The following CAPRIN1 variants were observed in gnomAD, a reference collection of about 807,000 sequenced individuals.
The protein encoded by CAPRIN1 is cell cycle associated protein 1.
A neutral mutation model predicts 100.9 loss-of-function variants in CAPRIN1; 29 were observed. That is an observed-to-expected ratio of 0.29 (90% CI 0.21 to 0.39). CAPRIN1 has a LOEUF of 0.39. Ranked by LOEUF, CAPRIN1 falls within the 10% of genes least tolerant of loss-of-function variation. CAPRIN1 has a pLI of 1.00. For synonymous variants in CAPRIN1, 338 were observed against 307.5 expected, an observed-to-expected ratio of 1.10 and a Z score of -1.04; for missense variants, 795 against 876.7, an observed-to-expected ratio of 0.91 and a Z score of 1.18.
rs370335951 is a variant in CAPRIN1, at chr11:34,052,525, C to T, written c.105C>T (p.Ala35=). ...GSEAAAGAGA[A]APASQHPATG... is the part of the protein sequence containing the mutation. ...AGGCGGCCGCGGGAGCCGGGGCCGC[C>T]GCGCCGGCTTCTCAGCACCCCGCAA... Residue 35 remains alanine (A), a synonymous_variant, in exon 2 of 19, where the codon GCC becomes GCT. Transcript: ENST00000341394. 1 of 1,604,932 alleles carries T rather than the reference C, an allele frequency of 6.2e-7. No individual in the cohort carries two copies. The highest frequency in any genetic ancestry group is 1.7e-5 in the Admixed American group (1 of 59,020).
rs374817882 is a variant in CAPRIN1, at chr11:34,097,347, A to G, written c.2001+51A>G. On this transcript the variant is annotated intron_variant, in intron 17 of 18. Coordinates refer to ENST00000341394, the MANE Select transcript of CAPRIN1 (RefSeq NM_005898.5). ...AACCTGAACTAAATATACCAATGAA[A>G]GTGACTTAGTGTTGTTGCTTAATGA... 9.2e-4 allele frequency: 1,256 copies of G among 1,358,196 alleles called. 17 individuals are homozygous for G. The East Asian group carries it at 0.017, about 18-fold the overall frequency. 84.1% of individuals were successfully genotyped at this position (1,358,196 alleles called of 1,614,324 possible).
In CAPRIN1 at chr11:34,097,304, A is replaced by AT. The variant is rs1851386480; in HGVS notation, c.2001+8_2001+9insT. 6.3e-7 allele frequency: 1 copy of AT among 1,581,668 alleles called. No individual in the cohort carries two copies. Among genetic ancestry groups the AT allele is most frequent in the Non-Finnish European group, 8.7e-7 (1 of 1,150,562 alleles). On this transcript the variant is annotated intron_variant, in intron 17 of 18. Coordinates refer to ENST00000341394, the MANE Select transcript of CAPRIN1 (RefSeq NM_005898.5). ...TACTCTGGCTATCAACGGGTAGGTA[A>AT]AGTAGTTCTAAAGTGTAAACCTGAA...
In CAPRIN1 at chr11:34,099,756, A is replaced by G. The variant is rs574739461; in HGVS notation, c.*389A>G. 9.8e-4 allele frequency: 165 copies of G among 167,588 alleles called. 2 individuals carry two copies. Among genetic ancestry groups the G allele is most frequent in the Admixed American group, 5.8e-3 (95 of 16,266 alleles). The allele number at this position is 167,588 out of a possible 1,614,324, so 10.4% of individuals were successfully genotyped here. Reference sequence around the variant, plus strand: ...TACAAATCAGCCCTCGAGTTATTCAATGATAACTGACAAACTAAATTATTT... The same window carrying G: ...TACAAATCAGCCCTCGAGTTATTCAGTGATAACTGACAAACTAAATTATTT... On this transcript the variant is annotated 3_prime_UTR_variant, in exon 19 of 19. Coordinates refer to ENST00000341394, the MANE Select transcript of CAPRIN1 (RefSeq NM_005898.5).
At chr11:34,087,627 C>T (rs533468514) in intron 11 of CAPRIN1, among the ~76,000 whole-genome samples, 1 of 122,706 alleles carries the variant, frequency 8.1e-6, no homozygotes, top group Non-Finnish European at 1.8e-5. Context: ...GCCACCGCGC[C>T]CGGCTCTCAC....
At chr11:34,091,836 A>T (rs956667372) in intron 14 of CAPRIN1, 70 bp from the exon 15 acceptor site, 3 of 1,412,958 alleles carry the variant, frequency 2.1e-6, no homozygotes, top group African/African-American at 2.9e-5. Flanking sequence ...TAAAACCACC[A>T]TTGAGTTTGG....
At chr11:34,052,663 G>A in intron 2 of CAPRIN1, 27 bp downstream of exon 2, 1 of 1,578,340 alleles carries the variant, frequency 6.3e-7, no homozygotes, top group Non-Finnish European at 8.6e-7. Context: ...GGGAAGGGAG[G>A]GGTGGCTGCG....
intron 2 of CAPRIN1, chr11:34,053,787 A>AT (rs1365154196): frequency 6.6e-6 from 1 of 152,228 alleles, no homozygotes; most frequent in Non-Finnish European, 1.5e-5. Flanking sequence ...GGCAGAGTGA[A>AT]TAATTAAAAT....
At chr11:34,074,356 G>A (rs1239342093) in intron 4 of CAPRIN1, among the ~76,000 whole-genome samples, 1 of 152,142 alleles carries the variant, frequency 6.6e-6, no homozygotes, top group Non-Finnish European at 1.5e-5. Flanking sequence ...TTCATTAGCA[G>A]AGCTGTTATT....
At chr11:34,099,116 A>G in intron 18 of CAPRIN1, 187 bp from the exon 19 acceptor site, 1 of 1,433,928 alleles carries the variant, frequency 7.0e-7, no homozygotes, top group Non-Finnish European at 9.1e-7. Context: ...AGCTAAGAGA[A>G]CATGAGCAAA....
chr11:34,096,784 C>G (rs1565099071), intron 16 of CAPRIN1, 111 bp downstream of exon 16: 2 of 704,648 alleles, frequency 2.8e-6, no homozygotes, highest in African/African-American at 1.8e-5. Context: ...CATTAGCCTC[C>G]TATGTGCAAT....
At chr11:34,091,836 A>G (rs956667372) in intron 14 of CAPRIN1, 70 bp from the exon 15 acceptor site, 4 of 1,412,958 alleles carry the variant, frequency 2.8e-6, no homozygotes, top group Admixed American at 4.2e-5. Context: ...TAAAACCACC[A>G]TTGAGTTTGG....
rs879220091 is a variant in CAPRIN1, at chr11:34,083,179, T to TA, written c.966+139dup. 3 of 634,450 alleles carry TA rather than the reference T, an allele frequency of 4.7e-6. No individual in the cohort carries two copies. In the Admixed American group the frequency reaches 8.7e-5, roughly 18 times the overall value. 39.3% of individuals were successfully genotyped at this position (634,450 alleles called of 1,614,324 possible). ...TAACAGACTCATTACACCAGACTGTTACTTCCAAAAAATGAATGTTTATCC... is the reference window on the plus strand; with the variant it reads ...TAACAGACTCATTACACCAGACTGTTAACTTCCAAAAAATGAATGTTTATCC... On this transcript the variant is annotated intron_variant, in intron 9 of 18. Coordinates refer to ENST00000341394, the MANE Select transcript of CAPRIN1 (RefSeq NM_005898.5).
At chr11:34,057,160 A>AT (rs1478761049) in intron 2 of CAPRIN1, among the ~76,000 whole-genome samples, 49 of 152,314 alleles carry the variant, frequency 3.2e-4, no homozygotes, top group African/African-American at 1.1e-3. Flanking sequence ...CTTCTTTGAC[A>AT]TTTAAGATCT....
In CAPRIN1 at chr11:34,063,482, G is replaced by A. The variant is rs144496023; in HGVS notation, c.217-8244G>A. 724 of 152,322 alleles carry A rather than the reference G, an allele frequency of 4.8e-3. 6 individuals are homozygous for A. Among genetic ancestry groups the A allele is most frequent in the African/African-American group, 0.017 (695 of 41,566 alleles). 9.4% of individuals were successfully genotyped at this position (152,322 alleles called of 1,614,324 possible). ...GAATGTCTGTTACATAGTGAATACT[G>A]TCAACTATTAAAAGCAGTAAAGAAA... On this transcript the variant is annotated intron_variant, in intron 2 of 18. Transcript: ENST00000341394.
At chr11:34,059,491 A>G (rs1157109609) in intron 2 of CAPRIN1, among the ~76,000 whole-genome samples, 21 of 152,112 alleles carry the variant, frequency 1.4e-4, no homozygotes, top group Non-Finnish European at 1.5e-5. Context: ...GCTGGTCTTG[A>G]ACTCCTGACC....
intron 2 of CAPRIN1, among the ~76,000 whole-genome samples, chr11:34,066,346 T>TA (rs1850692994): frequency 1.3e-5 from 2 of 151,968 alleles, no homozygotes; most frequent in African/African-American, 2.4e-5. Flanking sequence ...TTTATTTATT[T>TA]TTTTTGAGAC....
At chr11:34,063,677 A>G (rs1364081902) in intron 2 of CAPRIN1, among the ~76,000 whole-genome samples, 3 of 152,102 alleles carry the variant, frequency 2.0e-5, no homozygotes, top group Non-Finnish European at 4.4e-5. Flanking sequence ...GTGTGCTGTA[A>G]ATGGATTTTT....
intron 3 of CAPRIN1, 44 bp from the exon 4 acceptor site, chr11:34,071,857 G>C: frequency 6.3e-7 from 1 of 1,589,062 alleles, no homozygotes; most frequent in East Asian, 2.2e-5. Context: ...TAATTCTGTG[G>C]TTTTTTGTCT....
At position 34,085,939 on chromosome 11, in the gene CAPRIN1, CT is replaced by C. The variant is rs1386203034; in HGVS notation, c.967-124del. Reference sequence around the variant, plus strand: ...GCATAAATGTAATTCATTTGGGTAACTGCATTAAAGCCCGTTCTGTTTATAG... The same window carrying C: ...GCATAAATGTAATTCATTTGGGTAACGCATTAAAGCCCGTTCTGTTTATAG... On this transcript the variant is annotated intron_variant, in intron 9 of 18. Transcript: ENST00000341394. 4 of 677,028 alleles carry C rather than the reference CT, an allele frequency of 5.9e-6. No homozygotes were observed. The East Asian group carries it at 1.1e-4, about 18-fold the overall frequency. 41.9% of individuals were successfully genotyped at this position (677,028 alleles called of 1,614,324 possible). A position where few individuals can be genotyped will look rare whatever the true frequency, so the allele number is the denominator to read the frequency against.
Sources: allele counts gnomAD v4.1 joint callset (sites outside exome capture counted in the v4.1 genomes callset), GRCh38; gene constraint gnomAD v4.1.1; transcripts MANE v1.5; gene names NCBI Gene and HGNC (gene_info 2026-07-23, HGNC 2026-07-21).